Variants in HIP1 observed in about 807,000 individuals in gnomAD.
HIP1 encodes the protein huntingtin interacting protein 1, also known as huntingtin-interacting protein 1.
In HIP1, 65 loss-of-function variants were observed where a neutral mutation model predicts 147.6. The observed-to-expected ratio is 0.44, with a 90% CI of 0.36 to 0.54. HIP1 has a LOEUF of 0.54. Ranked by LOEUF, HIP1 falls within the 20% of genes least tolerant of loss-of-function variation. The pLI is 0.00. For synonymous variants in HIP1, 479 were observed against 504.0 expected, an observed-to-expected ratio of 0.95 and a Z score of 0.67; for missense variants, 1,061 against 1,299.6, an observed-to-expected ratio of 0.82 and a Z score of 2.82.
intron 1 of HIP1, among the ~76,000 whole-genome samples, chr7:75,731,981 G>A (rs766890784): frequency 6.6e-6 from 1 of 152,112 alleles, no homozygotes; most frequent in Non-Finnish European, 1.5e-5. Context: ...GTTGAGAACC[G>A]CAGATCCTTC....
At chr7:75,584,287 A>G (rs1796173271) in intron 5 of HIP1, among the ~76,000 whole-genome samples, 1 of 150,314 alleles carries the variant, frequency 6.7e-6, no homozygotes, top group South Asian at 2.1e-4. Flanking sequence ...TTTAAGAGAC[A>G]GGGTCTCACT....
At chr7:75,616,750 T>A (rs1202044312) in intron 1 of HIP1, among the ~76,000 whole-genome samples, 4 of 152,196 alleles carry the variant, frequency 2.6e-5, no homozygotes, top group African/African-American at 9.6e-5. Context: ...AGGGTGGATG[T>A]CCACACATAC....
In HIP1 at chr7:75,545,163, T is replaced by G; in HGVS notation, c.2585A>C (p.Tyr862Ser). Reference protein sequence around the residue: ...GRGTASPKEFYAKNSRWTEGL... With the variant: ...GRGTASPKEFSAKNSRWTEGL... ...TTCTGTCCATCGAGAGTTCTTGGCATAAAACTCTTTAGGGGATGCTGTACC... is the reference window on the plus strand; with the variant it reads ...TTCTGTCCATCGAGAGTTCTTGGCAGAAAACTCTTTAGGGGATGCTGTACC... The change falls in exon 26 of 31, where the codon TAT (tyrosine) becomes TCT (serine). Residue 862 changes from tyrosine (Y) to serine (S), a missense_variant. By Grantham distance (144) the Tyr-to-Ser change is moderately radical. Transcript: ENST00000336926. 1 of 1,610,794 alleles carries G rather than the reference T, an allele frequency of 6.2e-7. No homozygotes were observed. The highest frequency in any genetic ancestry group is 1.1e-5 in the South Asian group (1 of 90,844).
intron 1 of HIP1, among the ~76,000 whole-genome samples, chr7:75,612,589 A>G (rs1554505248): frequency 6.6e-6 from 1 of 152,052 alleles, no homozygotes; most frequent in African/African-American, 2.4e-5. Flanking sequence ...CGGGTGGATC[A>G]CCTGAGGTCA....
At chr7:75,601,690 T>C (rs587600251) in intron 1 of HIP1, among the ~76,000 whole-genome samples, 3 of 152,246 alleles carry the variant, frequency 2.0e-5, no homozygotes, top group African/African-American at 7.2e-5. Flanking sequence ...TGCATTTACG[T>C]ATTCATTTAA....
intron 28 of HIP1, among the ~76,000 whole-genome samples, chr7:75,542,226 T>A (rs587646434): frequency 1.3e-5 from 2 of 152,084 alleles, no homozygotes; most frequent in South Asian, 4.2e-4. Context: ...TGAAACCCCG[T>A]CTTTACTAAA....
chr7:75,562,362 T>C (rs1795256847), intron 11 of HIP1, among the ~76,000 whole-genome samples, 192 bp from the exon 12 acceptor site: 1 of 152,164 alleles, frequency 6.6e-6, no homozygotes, highest in Non-Finnish European at 1.5e-5. Flanking sequence ...CAATCATAGC[T>C]CACTGCAGCC....
intron 30 of HIP1, 37 bp from the exon 31 acceptor site, chr7:75,538,261 A>C: frequency 6.5e-7 from 1 of 1,528,982 alleles, no homozygotes; most frequent in Non-Finnish European, 9.1e-7. Flanking sequence ...CAAAGCACTC[A>C]TGAATGCATT....
At chr7:75,565,864 T>G (rs1795384493) in intron 9 of HIP1, among the ~76,000 whole-genome samples, 2 of 146,128 alleles carry the variant, frequency 1.4e-5, no homozygotes, top group African/African-American at 5.6e-5. Flanking sequence ...CCTGAGTAGC[T>G]GGGATTACAG....
chr7:75,665,405 T>C (rs1231498957), intron 1 of HIP1, among the ~76,000 whole-genome samples: 1 of 152,120 alleles, frequency 6.6e-6, no homozygotes, highest in Non-Finnish European at 1.5e-5. Flanking sequence ...TTTGAGGTAG[T>C]ATCTGTGGAG....
intron 1 of HIP1, chr7:75,639,244 A>AGGGGAG (rs1798556304): frequency 1.4e-6 from 1 of 727,790 alleles, no homozygotes; most frequent in Non-Finnish European, 1.5e-6. Flanking sequence ...GGAGAAAGGA[A>AGGGGAG]GGGGAGGGGG....
chr7:75,570,454 G>C (rs920880081), intron 8 of HIP1, among the ~76,000 whole-genome samples: 1 of 150,244 alleles, frequency 6.7e-6, no homozygotes, highest in Non-Finnish European at 1.5e-5. Context: ...ACCACGCCCG[G>C]CTAATTTTTT....
intron 1 of HIP1, among the ~76,000 whole-genome samples, chr7:75,725,369 T>C (rs1801620530): frequency 6.6e-6 from 1 of 152,074 alleles, no homozygotes; most frequent in Admixed American, 6.6e-5. Flanking sequence ...TTTTGAAATA[T>C]AAAGAACACT....
chr7:75,704,521 G>C (rs1219215070), intron 1 of HIP1, among the ~76,000 whole-genome samples: 1 of 152,032 alleles, frequency 6.6e-6, no homozygotes, highest in Non-Finnish European at 1.5e-5. Flanking sequence ...TGGGATTACA[G>C]GCATGAGCCA....
At chr7:75,618,729 ATCCAGCTCTGGGTCTC>A (rs1797748506) in intron 1 of HIP1, among the ~76,000 whole-genome samples, 1 of 152,164 alleles carries the variant, frequency 6.6e-6, no homozygotes, top group South Asian at 2.1e-4. Flanking sequence ...ACCATCCCTT[ATCCAGCTCTGGGTCTC>A]TTGCAGTGTC....
rs550961673 is a variant in HIP1 at position 75,656,061 on chromosome 7, G to A, written c.121-56814C>T. Among the ~76,000 whole-genome samples, 226 of 152,246 alleles carry A rather than the reference G, an allele frequency of 1.5e-3. 2 individuals carry two copies. The highest frequency in any genetic ancestry group is 1.4e-3 in the Non-Finnish European group (98 of 68,026). ...TTGAGCCTGGGAAGTCAAGGCTGCA[G>A]TGAGCCATGGTCGCGCCACTGCACT... On this transcript the variant is annotated intron_variant, in intron 1 of 30. Coordinates refer to ENST00000336926, the MANE Select transcript of HIP1 (RefSeq NM_005338.7).
At chr7:75,693,390 C>T (rs1800523547) in intron 1 of HIP1, among the ~76,000 whole-genome samples, 2 of 152,244 alleles carry the variant, frequency 1.3e-5, no homozygotes. Flanking sequence ...GCACCCCCCA[C>T]GCCAGTGCCC....
At chr7:75,709,324 G>T (rs539003436) in intron 1 of HIP1, among the ~76,000 whole-genome samples, 56 of 152,036 alleles carry the variant, frequency 3.7e-4, no homozygotes, top group South Asian at 1.9e-3. Flanking sequence ...TGTCGGTCAG[G>T]CTGGTCTCAA....
intron 20 of HIP1, 105 bp from the exon 21 acceptor site, chr7:75,554,325 T>C (rs1184322867): frequency 2.4e-6 from 3 of 1,267,240 alleles, no homozygotes; most frequent in East Asian, 4.7e-5. Flanking sequence ...CTTGTATGAG[T>C]TGCCTACATG....
Sources: allele counts gnomAD v4.1 joint callset (sites outside exome capture counted in the v4.1 genomes callset), GRCh38; gene constraint gnomAD v4.1.1; transcripts MANE v1.5; gene names NCBI Gene and HGNC (gene_info 2026-07-23, HGNC 2026-07-21).